NXF1: variants seen among roughly 807,000 people sequenced by gnomAD.
NXF1 encodes mRNA export factor TAP.
In NXF1, 43 loss-of-function variants were observed where a neutral mutation model predicts 92.4. The observed-to-expected ratio is 0.47, with a 90% CI of 0.36 to 0.60. The LOEUF is 0.60. Among genes scored for constraint, NXF1 ranks in the 20% least tolerant of loss-of-function variants. The pLI, the probability that NXF1 is intolerant of heterozygous loss-of-function variation, is 0.00. For missense variants in NXF1, 576 were observed against 793.0 expected, an observed-to-expected ratio of 0.73 and a Z score of 3.29; for synonymous variants, 288 against 292.2, an observed-to-expected ratio of 0.99 and a Z score of 0.15.
intron 9 of NXF1, 52 bp from the exon 10 acceptor site, chr11:62,800,538 C>T (rs1285926003): frequency 7.6e-7 from 1 of 1,317,354 alleles, no homozygotes; most frequent in Non-Finnish European, 1.1e-6. Context: ...AGACAGCCAG[C>T]TGGCTCCCCA....
intron 1 of NXF1, 57 bp from the exon 2 acceptor site, chr11:62,804,035 G>C: frequency 1.9e-6 from 3 of 1,600,650 alleles, no homozygotes; most frequent in Non-Finnish European, 2.5e-6. Context: ...GGTTTGGTGT[G>C]GCAATCATAG....
In NXF1 at chr11:62,794,242, C is replaced by G; in HGVS notation, c.1760+16G>C. On this transcript the variant is annotated intron_variant, in intron 19 of 20. Transcript: ENST00000294172. ...TACTTCAGTGCATCCCCATCCTACACATGCCCCGCACTCACTTCTGGGACC... is the reference window on the plus strand; with the variant it reads ...TACTTCAGTGCATCCCCATCCTACAGATGCCCCGCACTCACTTCTGGGACC... 1 of 1,604,948 alleles carries G rather than the reference C, an allele frequency of 6.2e-7. No homozygotes were observed.
Position 62,799,319 on chromosome 11 carries a change from G to A in NXF1, c.1017-744C>T, listed in dbSNP as rs758859415. ...GAAATGAGAAACAAATCCTTGCTGT[G>A]GTGAGTGGGCACTTGCTGTTGGCCA... On this transcript the variant is annotated intron_variant, in intron 10 of 20. Coordinates refer to ENST00000294172, the MANE Select transcript of NXF1 (RefSeq NM_006362.5). 9.4e-5 allele frequency: 93 copies of A among 985,666 alleles called. 1 individual carries two copies. Among genetic ancestry groups the A allele is most frequent in the Non-Finnish European group, 5.5e-5 (46 of 830,188 alleles). 61.1% of individuals were successfully genotyped at this position (985,666 alleles called of 1,614,324 possible). A position where few individuals can be genotyped will look rare whatever the true frequency, so the allele number is the denominator to read the frequency against.
intron 14 of NXF1, 40 bp from the exon 15 acceptor site, chr11:62,796,385 T>C: frequency 6.2e-7 from 1 of 1,613,660 alleles, no homozygotes; most frequent in Non-Finnish European, 8.5e-7. Context: ...TTCAGAGCAG[T>C]GCTGCCAGCA....
chr11:62,793,955 C>T (rs959333485), intron 19 of NXF1, among the ~76,000 whole-genome samples: 2 of 150,760 alleles, frequency 1.3e-5, no homozygotes, highest in Non-Finnish European at 2.9e-5. Flanking sequence ...GAGCCAAGAT[C>T]GCACCACTGC....
intron 1 of NXF1, 75 bp from the exon 2 acceptor site, chr11:62,804,053 T>G: frequency 6.3e-7 from 1 of 1,599,222 alleles, no homozygotes; most frequent in South Asian, 1.1e-5. Context: ...TAGCTTCTAG[T>G]ACTCTGAACT....
chr11:62,799,312 T>C, intron 10 of NXF1: 1 of 985,748 alleles, frequency 1.0e-6, no homozygotes, highest in Non-Finnish European at 1.2e-6. Flanking sequence ...AAACAAATCC[T>C]TGCTGTGGTG....
At chr11:62,797,799 G>C (rs1415760648) in intron 11 of NXF1, among the ~76,000 whole-genome samples, 1 of 152,036 alleles carries the variant, frequency 6.6e-6, no homozygotes, top group Non-Finnish European at 1.5e-5. Flanking sequence ...AGAGAGAAGG[G>C]TCAGAAGTCA....
At chr11:62,801,845 G>T (rs1280256647) in intron 5 of NXF1, 26 bp from the exon 6 acceptor site, 1 of 1,608,850 alleles carries the variant, frequency 6.2e-7, no homozygotes, top group Non-Finnish European at 8.5e-7. Flanking sequence ...AGAGGGCACA[G>T]AAAACTCTAG....
At chr11:62,794,165 C>CAAA in intron 19 of NXF1, 93 bp downstream of exon 19, 7 of 1,039,678 alleles carry the variant, frequency 6.7e-6, no homozygotes, top group East Asian at 3.0e-5. Context: ...AACTTGTCTC[C>CAAA]AAAAAAAAAA....
Position 62,796,829 on chromosome 11 carries a change from G to A in NXF1, c.1179-262C>T, listed in dbSNP as rs1308123966. ...CACGCCTCTAATCCCAACACTTTGGGAGGAAGAGGCAGGTGGATCATGAGG... is the reference window on the plus strand; with the variant it reads ...CACGCCTCTAATCCCAACACTTTGGAAGGAAGAGGCAGGTGGATCATGAGG... On this transcript the variant is annotated intron_variant, in intron 13 of 20. Coordinates refer to ENST00000294172, the MANE Select transcript of NXF1 (RefSeq NM_006362.5). 23 of 542,240 alleles carry A rather than the reference G, an allele frequency of 4.2e-5. No homozygotes were observed. The East Asian group carries it at 7.5e-4, about 18-fold the overall frequency. The allele number at this position is 542,240 out of a possible 1,614,324, so 33.6% of individuals were successfully genotyped here.
chr11:62,796,619 A>G (rs1279298188), intron 13 of NXF1, 52 bp from the exon 14 acceptor site: 1 of 1,244,996 alleles, frequency 8.0e-7, no homozygotes, highest in Non-Finnish European at 1.2e-6. Flanking sequence ...ACAGCCATAC[A>G]AGGACCCAGT....
intron 10 of NXF1, 57 bp from the exon 11 acceptor site, chr11:62,798,632 T>C (rs2084446426): frequency 6.2e-7 from 1 of 1,609,258 alleles, no homozygotes; most frequent in Non-Finnish European, 8.5e-7. Flanking sequence ...CCTCCTGGGC[T>C]GCTCTAGGAG....
intron 15 of NXF1, 27 bp from the exon 16 acceptor site, chr11:62,796,208 G>A: frequency 6.2e-7 from 1 of 1,613,272 alleles, no homozygotes; most frequent in Non-Finnish European, 8.5e-7. Context: ...AAGCTCAGTG[G>A]TGCTGCCACA....
chr11:62,792,881 GAT>G (rs1250231262), intron 19 of NXF1, 180 bp from the exon 20 acceptor site: 6 of 603,424 alleles, frequency 9.9e-6, no homozygotes, highest in Non-Finnish European at 1.8e-5. Context: ...GCTTCTCAAA[GAT>G]AAGGAATATT....
chr11:62,798,870 C>G (rs186397328), intron 10 of NXF1: 6 of 1,227,610 alleles, frequency 4.9e-6, no homozygotes, highest in African/African-American at 3.1e-5. Context: ...TCCCTGCCCC[C>G]CTTACCTTCC....
At chr11:62,800,308 C>G (rs1326292837) in intron 10 of NXF1, 69 bp downstream of exon 10, 1 of 1,609,728 alleles carries the variant, frequency 6.2e-7, no homozygotes. Flanking sequence ...GGGCCCTGGT[C>G]AGGATGCATT....
intron 13 of NXF1, 62 bp from the exon 14 acceptor site, chr11:62,796,629 T>C (rs1274303142): frequency 1.8e-6 from 2 of 1,130,338 alleles, no homozygotes; most frequent in South Asian, 1.2e-5. Context: ...AAGGACCCAG[T>C]AGCTCCCAAG....
At chr11:62,804,933 G>C (rs1408088592) in intron 1 of NXF1, among the ~76,000 whole-genome samples, 1 of 152,154 alleles carries the variant, frequency 6.6e-6, no homozygotes, top group Non-Finnish European at 1.5e-5. Context: ...CGAATATTAA[G>C]CCAAAGCCCA....
Sources: allele counts gnomAD v4.1 joint callset (sites outside exome capture counted in the v4.1 genomes callset), GRCh38; gene constraint gnomAD v4.1.1; transcripts MANE v1.5; gene names NCBI Gene and HGNC (gene_info 2026-07-23, HGNC 2026-07-21).